Variants in ADAM19 observed in about 807,000 individuals in gnomAD.
ADAM19 encodes ADAM metallopeptidase domain 19, also known as disintegrin and metalloproteinase domain-containing protein 19.
A neutral mutation model predicts 114.7 loss-of-function variants in ADAM19; 65 were observed. The observed-to-expected ratio is 0.57, with a 90% CI of 0.46 to 0.70. The LOEUF is 0.70. Ranked by LOEUF, ADAM19 falls within the 30% of genes least tolerant of loss-of-function variation. The pLI is 0.00. For synonymous variants in ADAM19, 466 were observed against 460.5 expected, an observed-to-expected ratio of 1.01 and a Z score of -0.15; for missense variants, 1,063 against 1,204.7, an observed-to-expected ratio of 0.88 and a Z score of 1.74.
intron 4 of ADAM19, among the ~76,000 whole-genome samples, chr5:157,532,381 G>A (rs953937518): frequency 1.3e-5 from 2 of 152,200 alleles, no homozygotes; most frequent in East Asian, 1.9e-4. Context: ...AGTGCTGGCC[G>A]AGCATTTTAT....
At chr5:157,513,971 G>C (rs1756014134) in intron 7 of ADAM19, among the ~76,000 whole-genome samples, 1 of 152,214 alleles carries the variant, frequency 6.6e-6, no homozygotes, top group African/African-American at 2.4e-5. Flanking sequence ...CCTGCTATGG[G>C]CAAGGCATTG....
chr5:157,509,437 G>C lies in ADAM19; in HGVS notation c.769C>G (p.Leu257Val). 1 of 1,608,050 alleles carries C rather than the reference G, an allele frequency of 6.2e-7. No homozygotes were observed. Among genetic ancestry groups the C allele is most frequent in the South Asian group, 1.1e-5 (1 of 89,656 alleles). ...TGGGTCCACACTTCCAAGCCCACGA[G>C]AGCAATCCGGATGTTCAAGGATCGG... ...FYRSLNIRIA[L>V]VGLEVWTHGN... The change falls in exon 9 of 23, where the codon CTC becomes GTC. Residue 257 changes from leucine to valine, a missense_variant. By Grantham distance (32) the Leu-to-Val change is conservative. This residue lies in a region of ADAM19 where 615 missense variants were observed against 706.3 expected (regional missense o/e 0.87). Coordinates refer to ENST00000257527, the MANE Select transcript of ADAM19 (RefSeq NM_033274.5).
chr5:157,492,014 C>T (rs1220688586), intron 16 of ADAM19, 102 bp from the exon 17 acceptor site: 19 of 1,123,534 alleles, frequency 1.7e-5, no homozygotes, highest in African/African-American at 1.2e-4. Flanking sequence ...ACCCATGGCC[C>T]GGCCTGGTGG....
intron 5 of ADAM19, among the ~76,000 whole-genome samples, chr5:157,523,146 A>G (rs1220942514): frequency 6.6e-6 from 1 of 152,152 alleles, no homozygotes; most frequent in African/African-American, 2.4e-5. Flanking sequence ...GGGACTAGGT[A>G]ATCTGAAGTC....
chr5:157,496,799 T>A, intron 14 of ADAM19, 95 bp downstream of exon 14: 1 of 1,191,414 alleles, frequency 8.4e-7, no homozygotes, highest in East Asian at 3.0e-5. Flanking sequence ...AGAGGTGCCA[T>A]TTGAAGCCAA....
intron 15 of ADAM19, 80 bp downstream of exon 15, chr5:157,494,607 G>T: frequency 8.4e-7 from 1 of 1,194,384 alleles, no homozygotes; most frequent in Non-Finnish European, 1.2e-6. Context: ...CAGTCACACT[G>T]CTGAGTTGGG....
chr5:157,573,605 G>C (rs2113804913), intron 1 of ADAM19, among the ~76,000 whole-genome samples: 1 of 152,292 alleles, frequency 6.6e-6, no homozygotes, highest in East Asian at 1.9e-4. Context: ...AACTAGCCGG[G>C]TGTGGTGGCA....
chr5:157,477,538 T>C lies in ADAM19; in HGVS notation c.*3411A>G, dbSNP rs1754630600. On this transcript the variant is annotated 3_prime_UTR_variant, in exon 23 of 23. Transcript: ENST00000257527. ...ACAGTGGACGGTGTGAGAGGACGCG[T>C]TGGGGGTGACTTTGGAAATGTGGGC... The C allele has an allele frequency of 1.7e-6, 2 of 1,180,310 alleles. No individual in the cohort carries two copies. The highest frequency in any genetic ancestry group is 2.1e-6 in the Non-Finnish European group (2 of 932,530). The allele number at this position is 1,180,310 out of a possible 1,614,324, so 73.1% of individuals were successfully genotyped here. A position where few individuals can be genotyped will look rare whatever the true frequency, so the allele number is the denominator to read the frequency against.
In ADAM19 at chr5:157,521,395, C is replaced by T. The variant is rs572761036; in HGVS notation, c.408-1364G>A. Among the ~76,000 whole-genome samples the T allele has an allele frequency of 3.3e-5, 5 of 152,318 alleles. No individual in the cohort carries two copies. In the East Asian group the frequency reaches 9.7e-4, roughly 29 times the overall value. On this transcript the variant is annotated intron_variant, in intron 5 of 22. Coordinates refer to ENST00000257527, the MANE Select transcript of ADAM19 (RefSeq NM_033274.5). ...CATGCAGAGAGCTCAGAACCTACAG[C>T]ATCTCCAACCCAGTCTTTGCCACTG...
intron 5 of ADAM19, among the ~76,000 whole-genome samples, chr5:157,530,217 T>C (rs549762802): frequency 2.5e-5 from 3 of 119,112 alleles, no homozygotes; most frequent in African/African-American, 1.1e-4. Flanking sequence ...ACCCTAGCCA[T>C]TTATTTTATG....
chr5:157,566,985 A>C (rs943101743), intron 2 of ADAM19, among the ~76,000 whole-genome samples: 4 of 152,196 alleles, frequency 2.6e-5, no homozygotes, highest in Non-Finnish European at 5.9e-5. Flanking sequence ...AAATTCTTGA[A>C]GTCCCTTTCA....
chr5:157,573,462 C>T (rs1342780675), intron 1 of ADAM19, among the ~76,000 whole-genome samples: 1 of 152,104 alleles, frequency 6.6e-6, no homozygotes, highest in Admixed American at 6.5e-5. Flanking sequence ...AAAAGATAAC[C>T]TGGCCAGGCA....
chr5:157,488,187 C>T lies in ADAM19; in HGVS notation c.2550+78G>A, dbSNP rs1260228473. 3.5e-6 allele frequency: 5 copies of T among 1,427,936 alleles called. No individual in the cohort carries two copies. In the African/African-American group the frequency reaches 7.0e-5, roughly 20 times the overall value. 88.5% of individuals were successfully genotyped at this position (1,427,936 alleles called of 1,614,324 possible). The stretch of plus-strand genomic sequence containing the variant: ...CTCATGACCCCACAAGTTTCACCTT[C>T]CCCACCTTTGCCATTACCCATTGAA... On this transcript the variant is annotated intron_variant, in intron 21 of 22. Coordinates refer to ENST00000257527, the MANE Select transcript of ADAM19 (RefSeq NM_033274.5).
chr5:157,544,165 A>C (rs533497707), intron 3 of ADAM19, among the ~76,000 whole-genome samples: 1 of 152,204 alleles, frequency 6.6e-6, no homozygotes, highest in Non-Finnish European at 1.5e-5. Flanking sequence ...TAGAGTAAAA[A>C]ATTGGGACCT....
chr5:157,538,056 G>A lies in ADAM19; in HGVS notation c.252-65C>T, dbSNP rs569622848. On this transcript the variant is annotated intron_variant, in intron 3 of 22. Transcript: ENST00000257527. ...TGAACTCCACCCTCCTAGCAACAAC[G>A]AGTGATTTTAACTGAACCAGGCAGG... 1.6e-4 allele frequency: 214 copies of A among 1,365,546 alleles called. No individual in the cohort carries two copies. In the Middle Eastern group the frequency reaches 3.0e-3, roughly 19 times the overall value. 84.6% of individuals were successfully genotyped at this position (1,365,546 alleles called of 1,614,324 possible). A position where few individuals can be genotyped will look rare whatever the true frequency, so the allele number is the denominator to read the frequency against.
intron 22 of ADAM19, chr5:157,481,421 C>G: frequency 1.6e-6 from 1 of 641,474 alleles, no homozygotes; most frequent in Non-Finnish European, 2.6e-6. Flanking sequence ...GGCCAGGTGG[C>G]TTCTACTAAT....
chr5:157,481,367 CAGA>C, intron 22 of ADAM19: 2 of 584,886 alleles, frequency 3.4e-6, no homozygotes, highest in East Asian at 2.9e-5. Flanking sequence ...GTCAGCCACA[CAGA>C]AGAAGTACGA....
chr5:157,539,865 T>A (rs577482055), intron 3 of ADAM19, among the ~76,000 whole-genome samples: 1 of 152,312 alleles, frequency 6.6e-6, no homozygotes, highest in Admixed American at 6.5e-5. Flanking sequence ...TAACATTTGT[T>A]CAATGAGAAA....
intron 7 of ADAM19, among the ~76,000 whole-genome samples, chr5:157,513,962 C>T (rs1756013792): frequency 6.6e-6 from 1 of 152,202 alleles, no homozygotes; most frequent in Admixed American, 6.5e-5. Context: ...TGCTGAATGC[C>T]TGCTATGGGC....
Sources: gnomAD v4.1 joint callset for allele counts (sites outside exome capture counted in the v4.1 genomes callset) on GRCh38, gnomAD v4.1.1 for gene constraint, gnomAD v4.1.1 regional missense constraint, MANE v1.5 for transcripts, NCBI Gene and HGNC (gene_info 2026-07-23, HGNC 2026-07-21) for gene names.